KIF18A: variants seen among roughly 807,000 people sequenced by gnomAD.
KIF18A encodes kinesin family member 18A, also known as kinesin-like protein KIF18A.
In KIF18A, 67 loss-of-function variants were observed where a neutral mutation model predicts 103.3. That is an observed-to-expected ratio of 0.65 (90% CI 0.53 to 0.79). The LOEUF (loss-of-function observed/expected upper bound fraction) is 0.79. KIF18A is among the 30% of genes least tolerant of loss of function. KIF18A has a pLI of 0.00. For missense variants in KIF18A, 1,032 were observed against 1,062.5 expected, an observed-to-expected ratio of 0.97 and a Z score of 0.40; for synonymous variants, 367 against 355.5, an observed-to-expected ratio of 1.03 and a Z score of -0.36.
At chr11:28,076,330 G>T (rs1442913281) in intron 10 of KIF18A, among the ~76,000 whole-genome samples, 1 of 152,176 alleles carries the variant, frequency 6.6e-6, no homozygotes, top group African/African-American at 2.4e-5. Context: ...GTTGGTCTAA[G>T]TTGTAAGCTA....
At chr11:28,022,750 G>C (rs888697982) in intron 16 of KIF18A, among the ~76,000 whole-genome samples, 3 of 152,072 alleles carry the variant, frequency 2.0e-5, no homozygotes, top group Admixed American at 6.6e-5. Context: ...CTACCTTACT[G>C]TCTGATGTTT....
Position 28,062,502 on chromosome 11 carries a change from A to G in KIF18A, c.1605T>C (p.Asp535=). ...GGAGGTGCAAATGGTGACAATGAAG[A>G]TCTTTCTTGAGTTCCTAGGGCAAAC... ...NGHIPKELKK[D]LHCHHLHLQN... Residue 535 remains aspartate (D), a synonymous_variant, in exon 12 of 17, where the codon GAT becomes GAC. Coordinates refer to ENST00000263181, the MANE Select transcript of KIF18A (RefSeq NM_031217.4). 1 of 1,610,836 alleles carries G rather than the reference A, an allele frequency of 6.2e-7. No individual in the cohort carries two copies.
intron 11 of KIF18A, among the ~76,000 whole-genome samples, chr11:28,064,728 C>T (rs187965956): frequency 6.6e-6 from 1 of 151,996 alleles, no homozygotes; most frequent in Non-Finnish European, 1.5e-5. Context: ...CTTTGGCTAG[C>T]CTGTTAACTT....
At chr11:28,103,223 T>G (rs992235294) in intron 1 of KIF18A, among the ~76,000 whole-genome samples, 78 of 152,098 alleles carry the variant, frequency 5.1e-4, no homozygotes, top group African/African-American at 1.8e-3. Context: ...ATCTAAAACT[T>G]TGTGAGCACC....
chr11:28,046,172 G>A (rs982656939), intron 13 of KIF18A, among the ~76,000 whole-genome samples: 5 of 152,046 alleles, frequency 3.3e-5, no homozygotes, highest in African/African-American at 9.7e-5. Context: ...AGTACCATTT[G>A]ACCCAGCCAT....
chr11:28,091,855 T>C (rs940110366), intron 3 of KIF18A, among the ~76,000 whole-genome samples: 9 of 152,142 alleles, frequency 5.9e-5, no homozygotes, highest in African/African-American at 1.9e-4. Flanking sequence ...TCTCGCTGTC[T>C]CCCAGGCTGG....
Position 28,035,489 on chromosome 11 carries a change from T to G in KIF18A, c.2402A>C (p.Asp801Ala). 1 of 1,574,394 alleles carries G rather than the reference T, an allele frequency of 6.4e-7. No homozygotes were observed. The highest frequency in any genetic ancestry group is 1.2e-5 in the South Asian group (1 of 84,324). ...NDNKDILQRLDPSSFSTKHSM... is the reference protein window; with the variant it reads ...NDNKDILQRLAPSSFSTKHSM... The stretch of plus-strand genomic sequence containing the variant: ...ATGCTTAGTTGAGAATGAAGAAGGA[T>G]CAAGCCTGTATATTAATAGTGACAA... Residue 801 changes from aspartate to alanine, a missense_variant, in exon 15 of 17, where the codon GAT becomes GCT. Asp to Ala is a moderately radical substitution (Grantham distance 126). Coordinates refer to ENST00000263181, the MANE Select transcript of KIF18A (RefSeq NM_031217.4).
In KIF18A at chr11:28,066,948, A is replaced by G. The variant is rs1850938381; in HGVS notation, c.1590+2311T>C. 1.3e-5 allele frequency among the ~76,000 whole-genome samples: 2 copies of G among 151,752 alleles called. 1 individual carries two copies. Among genetic ancestry groups the G allele is most frequent in the South Asian group, 4.1e-4 (2 of 4,834 alleles). On this transcript the variant is annotated intron_variant, in intron 11 of 16. Coordinates refer to ENST00000263181, the MANE Select transcript of KIF18A (RefSeq NM_031217.4). ...AGTATTAAACTATTATTTATCATCC[A>G]TTATTATTTGTTAAGTGTTGCTAGG...
At chr11:28,096,648 C>T (rs569883227) in intron 2 of KIF18A, among the ~76,000 whole-genome samples, 9 of 152,124 alleles carry the variant, frequency 5.9e-5, no homozygotes, top group African/African-American at 2.2e-4. Context: ...CACAGTAGTA[C>T]CAATCAATAA....
chr11:28,037,720 A>C lies in KIF18A; in HGVS notation c.1949-1056T>G, dbSNP rs568729966. On this transcript the variant is annotated intron_variant, in intron 13 of 16. Coordinates refer to ENST00000263181, the MANE Select transcript of KIF18A (RefSeq NM_031217.4). ...TGAAATAATTCAGAGAGTTCAGAGT[A>C]CTTTCACCCTCATCACTCTGGAGAA... Among the ~76,000 whole-genome samples the C allele has an allele frequency of 4.6e-5, 7 of 151,746 alleles. No homozygotes were observed. The Admixed American group carries it at 4.6e-4, about 10-fold the overall frequency.
At chr11:28,103,125 T>C (rs997934965) in intron 1 of KIF18A, among the ~76,000 whole-genome samples, 6 of 152,162 alleles carry the variant, frequency 3.9e-5, no homozygotes, top group Non-Finnish European at 5.9e-5. Context: ...TAGGATTTCA[T>C]TGGTGGAACT....
rs764971433 is a variant in KIF18A, at chr11:28,088,632, C to T, written c.789G>A (p.Glu263=). The change falls in exon 6 of 17, where the codon GAG becomes GAA. Residue 263 remains glutamate, a synonymous_variant. Transcript: ENST00000263181. ...KMSLIDLAGS[E]RASTSGAKGT... ...CCTTAGCACCGGAAGTACTTGCTCG[C>T]TCAGATCCTGCCAGGTCAATGAGTG... 3.1e-6 allele frequency: 5 copies of T among 1,614,024 alleles called. No homozygotes were observed. The highest frequency in any genetic ancestry group is 4.2e-6 in the Non-Finnish European group (5 of 1,179,940).
chr11:28,074,412 C>T (rs777660333), intron 10 of KIF18A, among the ~76,000 whole-genome samples: 2 of 151,920 alleles, frequency 1.3e-5, no homozygotes, highest in East Asian at 1.9e-4. Flanking sequence ...GATATAAATT[C>T]GAAGAAATAA....
intron 6 of KIF18A, among the ~76,000 whole-genome samples, chr11:28,086,806 T>C (rs1851234519): frequency 6.6e-6 from 1 of 152,180 alleles, no homozygotes; most frequent in Non-Finnish European, 1.5e-5. Flanking sequence ...TAGGAGTCAT[T>C]ATTAAAAAAT....
At chr11:28,091,972 C>G (rs543724004) in intron 3 of KIF18A, among the ~76,000 whole-genome samples, 2 of 152,138 alleles carry the variant, frequency 1.3e-5, no homozygotes, top group Non-Finnish European at 2.9e-5. Context: ...CCTGCCACCA[C>G]GCCTGGCTAA....
Position 28,036,383 on chromosome 11 carries a change from A to T in KIF18A, c.2230T>A (p.Cys744Ser). ...AISSNINSDNCLKMLCEVAIP... is the reference protein window; with the variant it reads ...AISSNINSDNSLKMLCEVAIP... Reference sequence around the variant, plus strand: ...GCTACTTCACACAACATTTTCAGACAATTATCACTGTTTATGTTTGAGCTG... The same window carrying T: ...GCTACTTCACACAACATTTTCAGACTATTATCACTGTTTATGTTTGAGCTG... The change falls in exon 14 of 17, where the codon TGT becomes AGT. Residue 744 changes from cysteine (C) to serine (S), a missense_variant. Coordinates refer to ENST00000263181, the MANE Select transcript of KIF18A (RefSeq NM_031217.4). 6.2e-7 allele frequency: 1 copy of T among 1,611,256 alleles called. No homozygotes were observed. The highest frequency in any genetic ancestry group is 8.5e-7 in the Non-Finnish European group (1 of 1,178,226).
intron 3 of KIF18A, among the ~76,000 whole-genome samples, chr11:28,091,860 G>C (rs552010406): frequency 6.6e-6 from 1 of 152,262 alleles, no homozygotes; most frequent in South Asian, 2.1e-4. Flanking sequence ...CTGTCTCCCA[G>C]GCTGGAGTAC....
chr11:28,088,481 T>C, intron 6 of KIF18A, 43 bp downstream of exon 6: 1 of 1,469,800 alleles, frequency 6.8e-7, no homozygotes, highest in South Asian at 1.2e-5. Flanking sequence ...CTTATCTATT[T>C]CAATATTTCA....
intron 11 of KIF18A, among the ~76,000 whole-genome samples, chr11:28,063,131 G>A (rs957288841): frequency 6.6e-6 from 1 of 152,012 alleles, no homozygotes; most frequent in African/African-American, 2.4e-5. Flanking sequence ...TGGATGACAT[G>A]GTTAGAGCAC....
Sources: allele counts gnomAD v4.1 joint callset (sites outside exome capture counted in the v4.1 genomes callset), GRCh38; gene constraint gnomAD v4.1.1; transcripts MANE v1.5; gene names NCBI Gene and HGNC (gene_info 2026-07-23, HGNC 2026-07-21).